KLF11: variants seen among roughly 807,000 people sequenced by gnomAD.
KLF11 encodes KLF transcription factor 11.
KLF11 carries 26 observed loss-of-function variants against 29.9 expected under a neutral mutation model. The observed-to-expected ratio is 0.87, with a 90% CI of 0.64 to 1.21. The LOEUF (loss-of-function observed/expected upper bound fraction) is 1.21, where lower values mean the gene tolerates loss of function less well. KLF11 is among the 50% of genes most tolerant of loss of function. The probability of loss-of-function intolerance (pLI) is 0.00; values close to 1 mark genes in which losing one functional copy is unlikely to be tolerated. For synonymous variants in KLF11, 318 were observed against 257.4 expected (o/e 1.24, Z -2.25); for missense variants, 778 against 665.7 (o/e 1.17, Z -1.86).
Position 10,046,344 on chromosome 2 carries a change from G to A in KLF11, c.237G>A (p.Gly79=). The change falls in exon 2 of 4, where the codon GGG becomes GGA. Residue 79 remains glycine (G), a synonymous_variant. Transcript: ENST00000305883. ...CCCTCACGCCTGTCTCTGACTCTGG[G>A]GATGTCACCACCACTGTGCATATGG... is the stretch of plus-strand genomic sequence containing the variant. ...IRPLTPVSDS[G]DVTTTVHMDA... 6.2e-7 allele frequency: 1 copy of A among 1,614,142 alleles called. No individual in the cohort carries two copies. The highest frequency in any genetic ancestry group is 8.5e-7 in the Non-Finnish European group (1 of 1,180,034).
chr2:10,044,285 C>G (rs939393166), intron 1 of KLF11: 10 of 984,334 alleles, frequency 1.0e-5, no homozygotes, highest in African/African-American at 1.7e-5. Context: ...GCCGCACTGC[C>G]TTGGAGGCGG....
rs1472289690 is a variant in KLF11 at position 10,053,859 on chromosome 2, A to G, written c.*1352A>G. 6.4e-6 allele frequency: 1 copy of G among 156,092 alleles called. No homozygotes were observed. The highest frequency in any genetic ancestry group is 2.4e-5 in the African/African-American group (1 of 41,650). The allele number at this position is 156,092 out of a possible 1,614,324, so 9.7% of individuals were successfully genotyped here. A position where few individuals can be genotyped will look rare whatever the true frequency, so the allele number is the denominator to read the frequency against. The stretch of plus-strand genomic sequence containing the variant: ...CAGGCAATGGAATAAATGTAGGAAC[A>G]TACAGAATGTTGCACTAATTTGGTA... On this transcript the variant is annotated 3_prime_UTR_variant, in exon 4 of 4. Transcript: ENST00000305883.
In KLF11 at chr2:10,043,615, C is replaced by T. The variant is rs1661060410; in HGVS notation, c.-102C>T. 3 of 827,148 alleles carry T rather than the reference C, an allele frequency of 3.6e-6. No individual in the cohort carries two copies. In the South Asian group the frequency reaches 1.4e-4, roughly 40 times the overall value. The allele number at this position is 827,148 out of a possible 1,614,324, so 51.2% of individuals were successfully genotyped here. A position where few individuals can be genotyped will look rare whatever the true frequency, so the allele number is the denominator to read the frequency against. ...GAGGCGCGTGCCGGCCGCAGGAGCT[C>T]CGGGTTGCCGCCGCCGCCGCCGCCC... On this transcript the variant is annotated 5_prime_UTR_variant, in exon 1 of 4. Transcript: ENST00000305883.
chr2:10,050,728 T>C (rs1661377282), intron 3 of KLF11, among the ~76,000 whole-genome samples: 1 of 151,828 alleles, frequency 6.6e-6, no homozygotes. Context: ...AATAAATAAC[T>C]GTAAGAGTTC....
At chr2:10,049,246 C>T (rs767566580) in intron 3 of KLF11, among the ~76,000 whole-genome samples, 1 of 152,250 alleles carries the variant, frequency 6.6e-6, no homozygotes, top group African/African-American at 2.4e-5. Flanking sequence ...GCTAGTGTGC[C>T]TGAGGAACTG....
At position 10,048,211 on chromosome 2, in the gene KLF11, G is replaced by A. The variant is rs1359294384; in HGVS notation, c.874G>A (p.Val292Met). The change falls in exon 3 of 4, where the codon GTG (valine) becomes ATG (methionine). Residue 292 changes from valine to methionine, a missense_variant. Physicochemically the swap from Val to Met is conservative, Grantham distance 21. Coordinates refer to ENST00000305883, the MANE Select transcript of KLF11 (RefSeq NM_003597.5). The stretch of plus-strand genomic sequence containing the variant: ...CCCTGTCCTTTGCCAGATGATCCCT[G>A]TGACTGGACAAAGTAGCATGTTACC... Reference protein sequence around the residue: ...APPVLCQMIPVTGQSSMLPAF... With the variant: ...APPVLCQMIPMTGQSSMLPAF... The A allele has an allele frequency of 6.2e-7, 1 of 1,614,176 alleles. No individual in the cohort carries two copies. Among genetic ancestry groups the A allele is most frequent in the Non-Finnish European group, 8.5e-7 (1 of 1,180,024 alleles).
intron 3 of KLF11, among the ~76,000 whole-genome samples, chr2:10,050,666 G>A (rs1367911472): frequency 2.0e-5 from 3 of 151,922 alleles, no homozygotes; most frequent in African/African-American, 7.2e-5. Context: ...CCGAGATTAC[G>A]CCACTGCACT....
In KLF11 at chr2:10,053,824, A is replaced by G. The variant is rs1661481176; in HGVS notation, c.*1317A>G. On this transcript the variant is annotated 3_prime_UTR_variant, in exon 4 of 4. Coordinates refer to ENST00000305883, the MANE Select transcript of KLF11 (RefSeq NM_003597.5). ...CCACTGATACTGGTTTTTGTTAAAC[A>G]TTGGAAGTTCAGGCAATGGAATAAA... 3 of 163,250 alleles carry G rather than the reference A, an allele frequency of 1.8e-5. No homozygotes were observed. Among genetic ancestry groups the G allele is most frequent in the African/African-American group, 7.1e-5 (3 of 41,960 alleles). The allele number at this position is 163,250 out of a possible 1,614,324, so 10.1% of individuals were successfully genotyped here. A position where few individuals can be genotyped will look rare whatever the true frequency, so the allele number is the denominator to read the frequency against.
chr2:10,044,639 GTTTCC>G (rs962921455), intron 1 of KLF11, among the ~76,000 whole-genome samples: 1 of 136,482 alleles, frequency 7.3e-6, no homozygotes, highest in Non-Finnish European at 1.5e-5. Context: ...TACATTTAAA[GTTTCC>G]TTTCCTTTTT....
chr2:10,044,288 G>C, intron 1 of KLF11: 1 of 984,288 alleles, frequency 1.0e-6, no homozygotes, highest in African/African-American at 1.7e-5. Context: ...GCACTGCCTT[G>C]GAGGCGGGGC....
Position 10,046,157 on chromosome 2 carries a change from T to C in KLF11, c.50T>C (p.Ile17Thr). 6.2e-7 allele frequency: 1 copy of C among 1,613,784 alleles called. No homozygotes were observed. Residue 17 changes from isoleucine to threonine, a missense_variant, in exon 2 of 4, where the codon ATC becomes ACC. By Grantham distance (89) the Ile-to-Thr change is moderately conservative. Coordinates refer to ENST00000305883, the MANE Select transcript of KLF11 (RefSeq NM_003597.5). ...AGPDDARAVD[I>T]MDICESILER... ...GTGTTGTGTCGCCTTTAGGTTGACATCATGGACATATGTGAGTCCATCCTG... is the reference window on the plus strand; with the variant it reads ...GTGTTGTGTCGCCTTTAGGTTGACACCATGGACATATGTGAGTCCATCCTG...
chr2:10,044,595 T>G (rs1187275796), intron 1 of KLF11: 1 of 208,782 alleles, frequency 4.8e-6, no homozygotes, highest in Admixed American at 6.5e-5. Context: ...GATGCTTTGG[T>G]GCATGGCAGA....
rs781178180 is a variant in KLF11 at position 10,047,863 on chromosome 2, A to G, written c.526A>G (p.Ile176Val). 6.2e-7 allele frequency: 1 copy of G among 1,613,852 alleles called. No individual in the cohort carries two copies. Among genetic ancestry groups the G allele is most frequent in the South Asian group, 1.1e-5 (1 of 91,086 alleles). ...SPCRAKGTSV[I>V]RHTGESPAAC... ...CTGCAGGGCCAAGGGGACTAGCGTG[A>G]TCCGACACACTGGGGAGAGCCCTGC... The change falls in exon 3 of 4, where the codon ATC becomes GTC. Residue 176 changes from isoleucine (I) to valine (V), a missense_variant. By Grantham distance (29) the Ile-to-Val change is conservative (BLOSUM62 3). Coordinates refer to ENST00000305883, the MANE Select transcript of KLF11 (RefSeq NM_003597.5).
chr2:10,048,072 C>CA lies in KLF11; in HGVS notation c.738dup (p.Gly247ArgfsTer19). 6.2e-7 allele frequency: 1 copy of CA among 1,614,212 alleles called. No individual in the cohort carries two copies. The highest frequency in any genetic ancestry group is 8.5e-7 in the Non-Finnish European group (1 of 1,180,038). On this transcript the variant is annotated frameshift_variant, in exon 3 of 4. Coordinates refer to ENST00000305883, the MANE Select transcript of KLF11 (RefSeq NM_003597.5). LOFTEE classifies it high-confidence loss of function. ...AGTCTGGTGGCCTGCTGCTCACTGA[C>CA]AAAGGCCAGCAGGCAGGGTGGCCTG...
intron 3 of KLF11, among the ~76,000 whole-genome samples, chr2:10,050,892 CTTTTTTTTTTTTT>C (rs386389509): frequency 3.6e-5 from 2 of 54,824 alleles, no homozygotes; most frequent in South Asian, 8.4e-4. Flanking sequence ...TAGATGCTAC[CTTTTTTTTTTTTT>C]TTTTTTTTTT....
Position 10,047,838 on chromosome 2 carries a change from C to G in KLF11, c.501C>G (p.Pro167=). The change falls in exon 3 of 4, where the codon CCC becomes CCG. Residue 167 remains proline (P), a synonymous_variant. Coordinates refer to ENST00000305883, the MANE Select transcript of KLF11 (RefSeq NM_003597.5). The part of the protein sequence containing the change: ...LLGLEPVPSS[P]CRAKGTSVIR... ...GTTTGGAGCCAGTGCCCAGCTCTCC[C>G]TGCAGGGCCAAGGGGACTAGCGTGA... 6.2e-7 allele frequency: 1 copy of G among 1,613,820 alleles called. No homozygotes were observed. The highest frequency in any genetic ancestry group is 8.5e-7 in the Non-Finnish European group (1 of 1,180,022).
chr2:10,050,424 A>C (rs965567347), intron 3 of KLF11, among the ~76,000 whole-genome samples: 1 of 151,150 alleles, frequency 6.6e-6, no homozygotes, highest in African/African-American at 2.4e-5. Flanking sequence ...AAAAAAAAAA[A>C]AAATTGGCCA....
chr2:10,044,349 C>A, intron 1 of KLF11: 1 of 985,652 alleles, frequency 1.0e-6, no homozygotes, highest in Non-Finnish European at 1.2e-6. Context: ...CCCTAAGCGT[C>A]GCGACCTGGG....
chr2:10,048,962 A>G (rs946474120), intron 3 of KLF11, among the ~76,000 whole-genome samples: 2 of 149,136 alleles, frequency 1.3e-5, no homozygotes, highest in African/African-American at 4.9e-5. Context: ...ACATTTAGTA[A>G]ATGTATCTTA....
Sources: allele counts gnomAD v4.1 joint callset (sites outside exome capture counted in the v4.1 genomes callset), GRCh38; gene constraint gnomAD v4.1.1; transcripts MANE v1.5; gene names NCBI Gene and HGNC (gene_info 2026-07-23, HGNC 2026-07-21).